Variants in DRD3 observed in about 807,000 individuals in gnomAD.
DRD3 encodes the protein dopamine receptor D3.
In DRD3, 19 loss-of-function variants were observed where a neutral mutation model predicts 36.3. The ratio of observed to expected loss-of-function variants is 0.52; its 90% CI spans 0.36 to 0.77. The LOEUF (loss-of-function observed/expected upper bound fraction) is 0.77. Among genes scored for constraint, DRD3 ranks in the 30% least tolerant of loss-of-function variants. DRD3 has a pLI of 0.00. For missense variants in DRD3, 465 were observed against 505.3 expected (o/e 0.92, Z 0.77); for synonymous variants, 195 against 203.7 (o/e 0.96, Z 0.36).
upstream of DRD3, among the ~76,000 whole-genome samples, chr3:114,179,745 G>T (rs1411545280): frequency 1.3e-5 from 2 of 152,064 alleles, no homozygotes; most frequent in Non-Finnish European, 2.9e-5. Flanking sequence ...GCCAACAGTG[G>T]ATGTGCTTGG....
intron 2 of DRD3, among the ~76,000 whole-genome samples, chr3:114,162,080 TG>T (rs1190655648): frequency 6.6e-6 from 1 of 152,212 alleles, no homozygotes; most frequent in Admixed American, 6.5e-5. Context: ...TTTGCAGCAG[TG>T]TATGTCATGT....
intron 3 of DRD3, among the ~76,000 whole-genome samples, chr3:114,150,111 C>G (rs1434586418): frequency 6.6e-6 from 1 of 152,218 alleles, no homozygotes; most frequent in Admixed American, 6.5e-5. Context: ...CCAAGCTCAG[C>G]CTTCTCCAAC....
At chr3:114,155,501 G>GT (rs1221608575) in intron 3 of DRD3, among the ~76,000 whole-genome samples, 3 of 152,154 alleles carry the variant, frequency 2.0e-5, no homozygotes, top group African/African-American at 7.2e-5. Flanking sequence ...GTTTTAAGTG[G>GT]TAAAAACTAG....
Position 114,151,234 on chromosome 3 carries a change from A to G in DRD3, c.384-3677T>C, listed in dbSNP as rs141620158. 1.4e-3 allele frequency among the ~76,000 whole-genome samples: 213 copies of G among 152,270 alleles called. 2 individuals carry two copies. Among genetic ancestry groups the G allele is most frequent in the Middle Eastern group, 0.01 (3 of 294 alleles). ...AAGGGCCTCGCTGTTAGTGGTAACT[A>G]TGAGGCACCTTGGAGGAGGGGCTGA... On this transcript the variant is annotated intron_variant, in intron 3 of 6. Transcript: ENST00000383673.
chr3:114,143,743 TC>T (rs1374434764), intron 4 of DRD3, among the ~76,000 whole-genome samples: 1 of 152,144 alleles, frequency 6.6e-6, no homozygotes, highest in Non-Finnish European at 1.5e-5. Context: ...ATTGATGAAA[TC>T]AAATAAATAG....
At chr3:114,187,952 G>A (rs768928570) in intron 1 of DRD3, among the ~76,000 whole-genome samples, 16 of 152,218 alleles carry the variant, frequency 1.1e-4, no homozygotes, top group Non-Finnish European at 2.2e-4. Flanking sequence ...TGAGACACTA[G>A]ATAATTCAAC....
At chr3:114,186,530 T>C (rs552549568) in intron 1 of DRD3, among the ~76,000 whole-genome samples, 155 of 152,330 alleles carry the variant, frequency 1.0e-3, no homozygotes, top group African/African-American at 3.4e-3. Context: ...ATCTCTGTGA[T>C]CAGAAGGAGC....
chr3:114,140,533 C>G (rs2077515257), intron 4 of DRD3, among the ~76,000 whole-genome samples: 1 of 152,188 alleles, frequency 6.6e-6, no homozygotes, highest in Non-Finnish European at 1.5e-5. Flanking sequence ...GAGCCAAGAG[C>G]TTTGTACCCC....
intron 2 of DRD3, among the ~76,000 whole-genome samples, chr3:114,162,639 T>C: frequency 6.6e-6 from 1 of 152,224 alleles, no homozygotes; most frequent in East Asian, 1.9e-4. Flanking sequence ...ATTATTATCT[T>C]CATTGCAGAG....
At chr3:114,142,027 G>A (rs1236556825) in intron 4 of DRD3, among the ~76,000 whole-genome samples, 15 of 134,860 alleles carry the variant, frequency 1.1e-4, no homozygotes, top group African/African-American at 2.6e-4. Context: ...CAGCCTGGGC[G>A]ATAGAGCGAG....
intron 4 of DRD3, among the ~76,000 whole-genome samples, chr3:114,146,790 G>A (rs2077573596): frequency 6.6e-6 from 1 of 151,902 alleles, no homozygotes; most frequent in Non-Finnish European, 1.5e-5. Flanking sequence ...TGATTCATCT[G>A]AGGTATTGGT....
rs200567878 is a variant in DRD3, at chr3:114,128,860, G to C, written c.1059C>G (p.Thr353=). 7 of 1,613,126 alleles carry C rather than the reference G, an allele frequency of 4.3e-6. No individual in the cohort carries two copies. In the South Asian group the frequency reaches 7.7e-5, roughly 18 times the overall value. ...GGGACACGTGGCATGTCTGGCAGTG[G>C]GTATTGAGAACATGGGTCAAGAAGA... is the stretch of plus-strand genomic sequence containing the variant. The part of the protein sequence containing the change: ...LPFFLTHVLN[T]HCQTCHVSPE... Residue 353 remains threonine (T), a synonymous_variant, in exon 7 of 7, where the codon ACC becomes ACG. Transcript: ENST00000383673.
chr3:114,166,133 C>A (rs2077782001), intron 2 of DRD3, among the ~76,000 whole-genome samples: 1 of 151,906 alleles, frequency 6.6e-6, no homozygotes, highest in Admixed American at 6.6e-5. Flanking sequence ...TTACAGGTAC[C>A]TGCCACTATG....
chr3:114,196,970 A>AT (rs1016485908), intron 1 of DRD3, among the ~76,000 whole-genome samples: 3 of 147,462 alleles, frequency 2.0e-5, no homozygotes, highest in Non-Finnish European at 4.5e-5. Context: ...ATTTATTTTT[A>AT]TTTTTTTCTT....
chr3:114,146,698 C>CA (rs72463214), intron 4 of DRD3, among the ~76,000 whole-genome samples: 4,368 of 57,522 alleles, frequency 0.076, 87 homozygotes, highest in African/African-American at 0.11. Flanking sequence ...GACTTGGTCT[C>CA]AAAAAAAAAA....
intron 2 of DRD3, among the ~76,000 whole-genome samples, chr3:114,162,873 C>T (rs947283191): frequency 1.3e-5 from 2 of 152,198 alleles, no homozygotes; most frequent in African/African-American, 4.8e-5. Flanking sequence ...CATATCATCT[C>T]CTTTCTAGGG....
chr3:114,173,580 A>G (rs1440045145), intron 1 of DRD3, among the ~76,000 whole-genome samples: 4 of 152,138 alleles, frequency 2.6e-5, no homozygotes, highest in Admixed American at 1.3e-4. Context: ...AATAGATTCT[A>G]TGTAGCCTGA....
intron 4 of DRD3, among the ~76,000 whole-genome samples, chr3:114,141,799 C>G (rs549336739): frequency 1.3e-5 from 2 of 152,192 alleles, no homozygotes; most frequent in African/African-American, 4.8e-5. Flanking sequence ...CGCCTGTAAT[C>G]CCAGCACTTT....
rs1479666349 is a variant in DRD3 at position 114,196,940 on chromosome 3, C to T, written c.-156+2333G>A. Among the ~76,000 whole-genome samples, 3 of 151,228 alleles carry T rather than the reference C, an allele frequency of 2.0e-5. No individual in the cohort carries two copies. The East Asian group carries it at 5.8e-4, about 29-fold the overall frequency. ...CCCAGTCTATGTCTGTCTTTTTATGCACCTAATAGTCTTTTTTAAATTTAT... is the reference window on the plus strand; with the variant it reads ...CCCAGTCTATGTCTGTCTTTTTATGTACCTAATAGTCTTTTTTAAATTTAT... On this transcript the variant is annotated intron_variant, in intron 1 of 7. Coordinates refer to the DRD3 transcript ENST00000460779.
Sources: gnomAD v4.1 joint callset for allele counts (sites outside exome capture counted in the v4.1 genomes callset) on GRCh38, gnomAD v4.1.1 for gene constraint, MANE v1.5 for transcripts, NCBI Gene and HGNC (gene_info 2026-07-23, HGNC 2026-07-21) for gene names.